SFMBT1: variants seen among roughly 807,000 people sequenced by gnomAD.
SFMBT1 encodes scm-like with four MBT domains protein 1.
Under a neutral mutation model 108.7 loss-of-function variants are expected in SFMBT1, and 32 were observed. That is an observed-to-expected ratio of 0.29 (90% CI 0.22 to 0.40). SFMBT1 has a LOEUF of 0.40. Ranked by LOEUF, SFMBT1 falls within the 10% of genes least tolerant of loss-of-function variation. The pLI is 1.00. For synonymous variants in SFMBT1, 348 were observed against 369.5 expected (o/e 0.94, Z 0.67); for missense variants, 816 against 1,059.6 (o/e 0.77, Z 3.19).
Position 52,932,091 on chromosome 3 carries a change from T to G in SFMBT1, c.671A>C (p.Gln224Pro). Reference protein sequence around the residue: ...PFLHHVGWAAQQGYELQPPSA... With the variant: ...PFLHHVGWAAPQGYELQPPSA... ...AGGGGGCTGAAGCTCATATCCCTGT[T>G]GAGCAGCCCAACCAACGTGATGAAG... is the stretch of plus-strand genomic sequence containing the variant. Residue 224 changes from glutamine to proline, a missense_variant, in exon 6 of 21, where the codon CAA (glutamine) becomes CCA (proline). Physicochemically the swap from Gln to Pro is moderately conservative, Grantham distance 76. Transcript: ENST00000394752. The G allele has an allele frequency of 6.2e-7, 1 of 1,614,136 alleles. No individual in the cohort carries two copies. The highest frequency in any genetic ancestry group is 8.5e-7 in the Non-Finnish European group (1 of 1,180,038).
chr3:52,988,705 A>G (rs1705016222), intron 1 of SFMBT1, among the ~76,000 whole-genome samples: 1 of 152,252 alleles, frequency 6.6e-6, no homozygotes, highest in African/African-American at 2.4e-5. Flanking sequence ...TGTACTACGT[A>G]ACACATTAAA....
At position 52,943,420 on chromosome 3, in the gene SFMBT1, G is replaced by C; in HGVS notation, c.297C>G (p.Ile99Met). 1 of 1,614,196 alleles carries C rather than the reference G, an allele frequency of 6.2e-7. No individual in the cohort carries two copies. Among genetic ancestry groups the C allele is most frequent in the Non-Finnish European group, 8.5e-7 (1 of 1,180,034 alleles). ...EDRRADFWCD[I>M]RKADLYPIGW... The stretch of plus-strand genomic sequence containing the variant: ...CAATGGGGTAGAGATCAGCCTTCCT[G>C]ATGTCACACCAGAAATCTGCTCTCC... Residue 99 changes from isoleucine to methionine, a missense_variant, in exon 4 of 21, where the codon ATC (isoleucine) becomes ATG (methionine). This residue lies in a region of SFMBT1 where 495 missense variants were observed against 607.4 expected (regional missense o/e 0.81). Coordinates refer to ENST00000394752, the MANE Select transcript of SFMBT1 (RefSeq NM_016329.4).
chr3:52,974,145 T>C (rs939847482), intron 1 of SFMBT1, among the ~76,000 whole-genome samples: 5 of 152,148 alleles, frequency 3.3e-5, no homozygotes, highest in Non-Finnish European at 7.4e-5. Context: ...ATATGTTCGG[T>C]GGCTGGAAAA....
At chr3:52,929,859 G>A (rs1031841724) in intron 8 of SFMBT1, among the ~76,000 whole-genome samples, 6 of 152,180 alleles carry the variant, frequency 3.9e-5, no homozygotes, top group Admixed American at 1.3e-4. Context: ...AGTTTTGTCA[G>A]TATTCCAAAA....
At chr3:52,941,733 C>CA (rs55924887) in intron 4 of SFMBT1, among the ~76,000 whole-genome samples, 1,883 of 151,170 alleles carry the variant, frequency 0.012, 17 homozygotes, top group Non-Finnish European at 0.022. Context: ...TCTGTCTCTA[C>CA]AAAAAAGTTT....
chr3:53,022,551 G>A (rs1405218153), intron 1 of SFMBT1, among the ~76,000 whole-genome samples: 2 of 147,914 alleles, frequency 1.4e-5, no homozygotes, highest in East Asian at 4.0e-4. Flanking sequence ...ATACACTATA[G>A]ACATACAGTG....
intron 1 of SFMBT1, among the ~76,000 whole-genome samples, chr3:53,045,603 G>C (rs1366044609): frequency 7.1e-6 from 1 of 141,446 alleles, no homozygotes; most frequent in African/African-American, 2.5e-5. Flanking sequence ...CGCGGGCGCC[G>C]CGCTCCCCCC....
chr3:53,019,559 C>T (rs1413253445), intron 1 of SFMBT1, among the ~76,000 whole-genome samples: 1 of 152,176 alleles, frequency 6.6e-6, no homozygotes, highest in Non-Finnish European at 1.5e-5. Flanking sequence ...ACAGGACCAA[C>T]CTAGTCAAAA....
intron 1 of SFMBT1, among the ~76,000 whole-genome samples, chr3:53,045,503 G>A (rs1172852671): frequency 7.0e-6 from 1 of 143,830 alleles, no homozygotes; most frequent in Non-Finnish European, 1.5e-5. Flanking sequence ...CCTGCCAGGG[G>A]CTGACGGCCG....
intron 9 of SFMBT1, among the ~76,000 whole-genome samples, chr3:52,926,882 C>T (rs1702674887): frequency 6.6e-6 from 1 of 152,116 alleles, no homozygotes; most frequent in Admixed American, 6.5e-5. Context: ...TGCCCTCTGA[C>T]AGCCCAACAG....
rs543137819 is a variant in SFMBT1 at position 52,998,717 on chromosome 3, C to T, written c.-130-29459G>A. On this transcript the variant is annotated intron_variant, in intron 1 of 20. Transcript: ENST00000394752. Reference sequence around the variant, plus strand: ...CTCGGCAGTTCAGAAAGAACCCCAACGAGCTTGTGATCTCCCGGGTCCTGT... The same window carrying T: ...CTCGGCAGTTCAGAAAGAACCCCAATGAGCTTGTGATCTCCCGGGTCCTGT... Among the ~76,000 whole-genome samples, 20 of 150,828 alleles carry T rather than the reference C, an allele frequency of 1.3e-4. 2 individuals are homozygous for T. The highest frequency in any genetic ancestry group is 2.4e-4 in the Non-Finnish European group (16 of 67,180).
Position 53,030,092 on chromosome 3 carries a change from A to C in SFMBT1, c.-131+15724T>G, listed in dbSNP as rs576907250. Among the ~76,000 whole-genome samples the C allele has an allele frequency of 2.0e-4, 30 of 152,312 alleles. No individual in the cohort carries two copies. The South Asian group carries it at 5.4e-3, about 27-fold the overall frequency. On this transcript the variant is annotated intron_variant, in intron 1 of 20. Transcript: ENST00000394752. Reference sequence around the variant, plus strand: ...GTACTGTTTGCAGCAGCAAAAAAAAACCCAAAATATAAATAAATATGGAAA... The same window carrying C: ...GTACTGTTTGCAGCAGCAAAAAAAACCCCAAAATATAAATAAATATGGAAA...
intron 3 of SFMBT1, among the ~76,000 whole-genome samples, chr3:52,948,347 A>G (rs1037681925): frequency 8.4e-4 from 128 of 152,280 alleles, no homozygotes; most frequent in African/African-American, 3.0e-3. Flanking sequence ...GATATCTAGT[A>G]CAGCAAGTCT....
intron 4 of SFMBT1, among the ~76,000 whole-genome samples, chr3:52,941,516 C>T (rs543596671): frequency 5.0e-5 from 7 of 141,028 alleles, no homozygotes; most frequent in Admixed American, 4.7e-4. Context: ...ACTGCTTGAA[C>T]CCAGGAGGTG....
chr3:52,995,631 C>T (rs1355123021), intron 1 of SFMBT1, among the ~76,000 whole-genome samples: 6 of 150,054 alleles, frequency 4.0e-5, no homozygotes, highest in African/African-American at 1.5e-4. Flanking sequence ...AACTCCTAAA[C>T]TCAAGTGATC....
intron 20 of SFMBT1, among the ~76,000 whole-genome samples, chr3:52,905,822 A>G (rs998905741): frequency 2.6e-5 from 4 of 152,214 alleles, no homozygotes; most frequent in Non-Finnish European, 5.9e-5. Context: ...TAAACAAGCA[A>G]ATCATTATTT....
chr3:52,932,352 A>G, intron 5 of SFMBT1, 44 bp from the exon 6 acceptor site: 2 of 1,569,292 alleles, frequency 1.3e-6, no homozygotes, highest in Non-Finnish European at 1.7e-6. Context: ...AGAAATTAAC[A>G]TAATATTTTT....
chr3:53,020,154 C>A (rs929892644), intron 1 of SFMBT1, among the ~76,000 whole-genome samples: 1 of 151,792 alleles, frequency 6.6e-6, no homozygotes, highest in Non-Finnish European at 1.5e-5. Context: ...TTTGGGAGGC[C>A]GAGGCAGGCG....
At chr3:52,931,094 C>T (rs1490975494) in intron 6 of SFMBT1, 59 bp from the exon 7 acceptor site, 2 of 1,485,780 alleles carry the variant, frequency 1.3e-6, no homozygotes, top group African/African-American at 1.4e-5. Flanking sequence ...TTTTACCTGT[C>T]CTGAAAGCAT....
Sources: gnomAD v4.1 joint callset for allele counts (sites outside exome capture counted in the v4.1 genomes callset) on GRCh38, gnomAD v4.1.1 for gene constraint, gnomAD v4.1.1 regional missense constraint, MANE v1.5 for transcripts, NCBI Gene and HGNC (gene_info 2026-07-23, HGNC 2026-07-21) for gene names.